Variants in JAKMIP2 observed in about 807,000 individuals in gnomAD.
JAKMIP2 encodes janus kinase and microtubule interacting protein 2.
A neutral mutation model predicts 115.0 loss-of-function variants in JAKMIP2; 25 were observed. The ratio of observed to expected loss-of-function variants is 0.22; its 90% CI spans 0.16 to 0.30. The LOEUF is 0.30. Ranked by LOEUF, JAKMIP2 falls within the 10% of genes least tolerant of loss-of-function variation. The pLI is 1.00. For synonymous variants in JAKMIP2, 334 were observed against 343.6 expected (o/e 0.97, Z 0.31); for missense variants, 642 against 957.6 (o/e 0.67, Z 4.35).
chr5:147,617,990 C>T lies in JAKMIP2; in HGVS notation c.2267G>A (p.Arg756Gln), dbSNP rs773309856. The T allele has an allele frequency of 6.2e-7, 1 of 1,614,166 alleles. No individual in the cohort carries two copies. The highest frequency in any genetic ancestry group is 8.5e-7 in the Non-Finnish European group (1 of 1,180,038). ...CTCTCTGCTCTTCCTCAGCATTTGC[C>T]GCCGTAACTTTTCTACTGCCGTCCT... is the stretch of plus-strand genomic sequence containing the variant. Reference protein sequence around the residue: ...ELRTAVEKLRRQMLRKSREYD... With the variant: ...ELRTAVEKLRQQMLRKSREYD... The change falls in exon 19 of 22, where the codon CGG becomes CAG. Residue 756 changes from arginine to glutamine, a missense_variant. Around this residue, in one of 6 missense-constraint regions of JAKMIP2, gnomAD observed 68 missense variants for 104.6 expected, o/e 0.65. Transcript: ENST00000616793.
intron 1 of JAKMIP2, among the ~76,000 whole-genome samples, chr5:147,698,150 T>C (rs1752179849): frequency 1.3e-5 from 2 of 152,162 alleles, no homozygotes; most frequent in African/African-American, 2.4e-5. Flanking sequence ...AAAGAGATCA[T>C]TTGGAAACTT....
Position 147,639,657 on chromosome 5 carries a change from A to G in JAKMIP2, c.1505T>C (p.Ile502Thr), listed in dbSNP as rs1250748854. The G allele has an allele frequency of 6.2e-7, 1 of 1,613,408 alleles. No homozygotes were observed. Among genetic ancestry groups the G allele is most frequent in the Non-Finnish European group, 8.5e-7 (1 of 1,179,714 alleles). Residue 502 changes from isoleucine to threonine, a missense_variant, in exon 10 of 22, where the codon ATC becomes ACC. By Grantham distance (89) the Ile-to-Thr change is moderately conservative. Around this residue, in one of 6 missense-constraint regions of JAKMIP2, gnomAD observed 103 missense variants for 177.6 expected, o/e 0.58. Transcript: ENST00000616793. ...CTTGGCTTCTCGTTCAGCGTCGATG[A>G]TGCCTCCCGTCTGCTCCTGTAGGAG... ...YALLQEQTGG[I>T]IDAEREAKAQ...
intron 1 of JAKMIP2, among the ~76,000 whole-genome samples, chr5:147,765,209 A>T (rs1275496318): frequency 6.6e-6 from 1 of 152,108 alleles, no homozygotes; most frequent in Non-Finnish European, 1.5e-5. Flanking sequence ...ATCACAATTC[A>T]TTTTGGAAAT....
intron 1 of JAKMIP2, among the ~76,000 whole-genome samples, chr5:147,691,178 T>C (rs953610186): frequency 2.6e-5 from 4 of 152,084 alleles, no homozygotes; most frequent in African/African-American, 9.7e-5. Flanking sequence ...AGATTGTATA[T>C]GAGAAAACAC....
Position 147,770,593 on chromosome 5 carries a change from A to G in JAKMIP2, c.-149+11863T>C, listed in dbSNP as rs757471324. On this transcript the variant is annotated intron_variant, in intron 1 of 21. Transcript: ENST00000616793. ...CGTAAATGATAAGACCACAGAAACT[A>G]TATTGTTCATAGCGTTAAATTCTGA... Among the ~76,000 whole-genome samples, 207 of 152,266 alleles carry G rather than the reference A, an allele frequency of 1.4e-3. 6 individuals are homozygous for G. Among genetic ancestry groups the G allele is most frequent in the Middle Eastern group, 3.4e-3 (1 of 294 alleles).
intron 1 of JAKMIP2, among the ~76,000 whole-genome samples, chr5:147,771,572 G>T (rs1352601547): frequency 6.6e-6 from 1 of 151,898 alleles, no homozygotes; most frequent in African/African-American, 2.4e-5. Flanking sequence ...TCAAATGAAA[G>T]ATACCTGTTG....
At chr5:147,681,290 A>G (rs1343623805) in intron 1 of JAKMIP2, among the ~76,000 whole-genome samples, 1 of 152,132 alleles carries the variant, frequency 6.6e-6, no homozygotes, top group African/African-American at 2.4e-5. Context: ...TTGAGATCCA[A>G]AGCAAGTAGT....
intron 11 of JAKMIP2, 121 bp from the exon 12 acceptor site, chr5:147,636,405 G>A: frequency 2.7e-6 from 2 of 737,634 alleles, no homozygotes; most frequent in Non-Finnish European, 4.6e-6. Flanking sequence ...GCCAAAGACT[G>A]GTAAGTAGCA....
chr5:147,608,702 G>C (rs1463979034), intron 20 of JAKMIP2, among the ~76,000 whole-genome samples: 2 of 152,158 alleles, frequency 1.3e-5, no homozygotes. Context: ...GCTTGGTCCA[G>C]AGCTGAGTTC....
rs769666897 is a variant in JAKMIP2, at chr5:147,751,580, C to T, written c.-149+30876G>A. On this transcript the variant is annotated intron_variant, in intron 1 of 21. Transcript: ENST00000616793. ...TTATTAGGAGTCTCTTCCATAAGTA[C>T]CTCCCTCTAGACATTAAGCAAGGGC... Among the ~76,000 whole-genome samples, 93 of 142,300 alleles carry T rather than the reference C, an allele frequency of 6.5e-4. 1 individual carries two copies. Among genetic ancestry groups the T allele is most frequent in the Non-Finnish European group, 1.2e-3 (77 of 66,520 alleles). The allele number at this position is 142,300 out of a possible 152,430, so 93.4% of individuals were successfully genotyped here. A position where few individuals can be genotyped will look rare whatever the true frequency, so the allele number is the denominator to read the frequency against.
chr5:147,662,435 C>T (rs1444429079), intron 2 of JAKMIP2, among the ~76,000 whole-genome samples: 1 of 152,138 alleles, frequency 6.6e-6, no homozygotes, highest in Non-Finnish European at 1.5e-5. Context: ...TGCTAAATTT[C>T]CTGTGATAAT....
At chr5:147,618,685 C>T (rs1041959057) in intron 18 of JAKMIP2, among the ~76,000 whole-genome samples, 2 of 152,048 alleles carry the variant, frequency 1.3e-5, no homozygotes, top group African/African-American at 4.8e-5. Context: ...TTGCAGTGAG[C>T]CGAGATCACG....
chr5:147,598,092 A>G (rs549404483), intron 21 of JAKMIP2, among the ~76,000 whole-genome samples: 1 of 151,842 alleles, frequency 6.6e-6, no homozygotes, highest in Admixed American at 6.6e-5. Context: ...TCCACCTCCC[A>G]GGTTCAAGCA....
chr5:147,675,173 C>T (rs1171036339), intron 1 of JAKMIP2, among the ~76,000 whole-genome samples: 1 of 152,134 alleles, frequency 6.6e-6, no homozygotes, highest in African/African-American at 2.4e-5. Context: ...ATATTATGTG[C>T]CGGACTTTAT....
rs1561831023 is a variant in JAKMIP2 at position 147,587,783 on chromosome 5, CA to C, written c.*3923del. 2 of 151,968 alleles carry C rather than the reference CA, an allele frequency of 1.3e-5. No homozygotes were observed. Among genetic ancestry groups the C allele is most frequent in the Admixed American group, 6.6e-5 (1 of 15,256 alleles). The allele number at this position is 151,968 out of a possible 1,614,324, so 9.4% of individuals were successfully genotyped here. On this transcript the variant is annotated 3_prime_UTR_variant, in exon 22 of 22. Coordinates refer to ENST00000616793, the MANE Select transcript of JAKMIP2 (RefSeq NM_001270941.2). ...TTTAAAATTGAAAGCAAAGTTGAAA[CA>C]AAATACTGCAGCAAAATTTATTTGG...
At chr5:147,594,430 G>C in intron 21 of JAKMIP2, 1 of 455,544 alleles carries the variant, frequency 2.2e-6, no homozygotes, top group Non-Finnish European at 4.4e-6. Flanking sequence ...GACCTCTGGG[G>C]CTTAAGCCAT....
intron 1 of JAKMIP2, among the ~76,000 whole-genome samples, chr5:147,738,991 T>G (rs906297424): frequency 2.6e-5 from 4 of 152,106 alleles, no homozygotes; most frequent in African/African-American, 9.7e-5. Flanking sequence ...GATACAAAAT[T>G]TTTGCGGGTG....
At chr5:147,740,582 C>T (rs543358465) in intron 1 of JAKMIP2, among the ~76,000 whole-genome samples, 2 of 152,316 alleles carry the variant, frequency 1.3e-5, no homozygotes, top group African/African-American at 4.8e-5. Flanking sequence ...ACTTGAATTT[C>T]CATAAACTTT....
intron 1 of JAKMIP2, among the ~76,000 whole-genome samples, chr5:147,729,148 C>T (rs939430346): frequency 1.3e-5 from 2 of 152,118 alleles, no homozygotes; most frequent in Non-Finnish European, 2.9e-5. Context: ...ATTTCTCTCT[C>T]ACATAGTGTT....
Sources: gnomAD v4.1 joint callset for allele counts (sites outside exome capture counted in the v4.1 genomes callset) on GRCh38, gnomAD v4.1.1 for gene constraint, gnomAD v4.1.1 regional missense constraint, MANE v1.5 for transcripts, NCBI Gene and HGNC (gene_info 2026-07-23, HGNC 2026-07-21) for gene names.